PXK: variants seen among roughly 807,000 people sequenced by gnomAD.
PXK encodes the protein PX domain-containing protein kinase-like protein.
PXK carries 35 observed loss-of-function variants against 84.7 expected under a neutral mutation model. The observed-to-expected ratio is 0.41, with a 90% CI of 0.32 to 0.55. PXK has a LOEUF of 0.55. PXK is among the 20% of genes least tolerant of loss of function. The pLI is 0.21. For synonymous variants in PXK, 253 were observed against 260.8 expected (o/e 0.97, Z 0.29); for missense variants, 634 against 699.7 (o/e 0.91, Z 1.06).
chr3:58,423,467 T>C, intron 17 of PXK: 1 of 1,530,832 alleles, frequency 6.5e-7, no homozygotes, highest in Non-Finnish European at 8.8e-7. Flanking sequence ...TCAGCTGCCT[T>C]AGGTTTGAGT....
chr3:58,334,409 T>G (rs1378573781), intron 1 of PXK, among the ~76,000 whole-genome samples: 3 of 152,132 alleles, frequency 2.0e-5, no homozygotes, highest in Admixed American at 6.6e-5. Flanking sequence ...CTAAAGGGAG[T>G]ATGGCATAAG....
At chr3:58,376,493 A>G (rs2098443945) in intron 3 of PXK, among the ~76,000 whole-genome samples, 1 of 152,178 alleles carries the variant, frequency 6.6e-6, no homozygotes, top group Non-Finnish European at 1.5e-5. Flanking sequence ...TTAAAGTCCC[A>G]GTTTGTAAGA....
chr3:58,333,841 G>A lies in PXK; in HGVS notation c.102+751G>A, dbSNP rs1318192889. ...TGCTACATATACGGTCTTTTATGGG[G>A]CTTTAAAACCGTGGTTGTTTTCATT... On this transcript the variant is annotated intron_variant, in intron 1 of 17. Transcript: ENST00000356151. The surrounding 1 kb of genome is among the most constrained non-coding windows in gnomAD (Gnocchi z 5.4). Among the ~76,000 whole-genome samples, 1 of 151,622 alleles carries A rather than the reference G, an allele frequency of 6.6e-6. No homozygotes were observed. The highest frequency in any genetic ancestry group is 1.5e-5 in the Non-Finnish European group (1 of 67,956).
intron 7 of PXK, among the ~76,000 whole-genome samples, chr3:58,393,341 C>A (rs552562940): frequency 6.6e-6 from 1 of 151,386 alleles, no homozygotes; most frequent in Non-Finnish European, 1.5e-5. Flanking sequence ...GAGCAGACTC[C>A]GTCTCAAAAA....
At chr3:58,410,409 C>T (rs1312789221) in intron 16 of PXK, among the ~76,000 whole-genome samples, 1 of 152,218 alleles carries the variant, frequency 6.6e-6, no homozygotes, top group African/African-American at 2.4e-5. Flanking sequence ...AGCACTTGAT[C>T]ATCTAAAGAC....
At chr3:58,424,701 T>C (rs576551326) in intron 17 of PXK, 51 bp from the exon 18 acceptor site, 3 of 1,585,420 alleles carry the variant, frequency 1.9e-6, no homozygotes, top group South Asian at 2.3e-5. Flanking sequence ...GCAGCGTGTG[T>C]GCAGGGCAGC....
chr3:58,352,893 A>AGCAT (rs2097962756), intron 1 of PXK, among the ~76,000 whole-genome samples: 1 of 152,198 alleles, frequency 6.6e-6, no homozygotes, highest in African/African-American at 2.4e-5. Context: ...GGAGAAGAGA[A>AGCAT]GCATGCATGA....
In PXK at chr3:58,414,556, T is replaced by A. The variant is rs753786961; in HGVS notation, c.1528+1593T>A. ...GAATCTTGTATAATTAGAGTCAATG[T>A]TGGGAAAACTTGGAGGTGAGTGGGA... On this transcript the variant is annotated intron_variant, in intron 17 of 17. Coordinates refer to ENST00000356151, the MANE Select transcript of PXK (RefSeq NM_017771.5). This position sits in a 1 kb window ranked among gnomAD's most constrained non-coding sequence, Gnocchi z 4.5. The A allele has an allele frequency of 6.6e-6, 1 of 152,232 alleles. No homozygotes were observed. The highest frequency in any genetic ancestry group is 1.9e-4 in the East Asian group (1 of 5,188). 9.4% of individuals were successfully genotyped at this position (152,232 alleles called of 1,614,324 possible).
chr3:58,365,229 G>A (rs191069464), intron 1 of PXK, among the ~76,000 whole-genome samples: 6 of 152,112 alleles, frequency 3.9e-5, no homozygotes, highest in African/African-American at 9.6e-5. Flanking sequence ...TCAGTTCAAT[G>A]TATGTAATTT....
rs2097533013 is a variant in PXK at position 58,333,482 on chromosome 3, T to G, written c.102+392T>G. 6.6e-6 allele frequency: 3 copies of G among 454,954 alleles called. No homozygotes were observed. The highest frequency in any genetic ancestry group is 1.3e-5 in the Non-Finnish European group (3 of 225,724). The allele number at this position is 454,954 out of a possible 1,614,324, so 28.2% of individuals were successfully genotyped here. On this transcript the variant is annotated intron_variant, in intron 1 of 17. Transcript: ENST00000356151. This position sits in a 1 kb window ranked among gnomAD's most constrained non-coding sequence, Gnocchi z 5.4. The stretch of plus-strand genomic sequence containing the variant: ...TGCCCGCCGCCAGCCTTTTCCTTTT[T>G]GAGGCCGTGTAATTTCCTCCTTGCA...
rs2098629170 is a variant in PXK at position 58,391,306 on chromosome 3, A to G, written c.540+86A>G. On this transcript the variant is annotated intron_variant, in intron 6 of 17. Transcript: ENST00000356151. ...TTTGACAAGAGAATTACAAAATTGTACTGTGCTCTTAAGTGATGATGTAAA... is the reference window on the plus strand; with the variant it reads ...TTTGACAAGAGAATTACAAAATTGTGCTGTGCTCTTAAGTGATGATGTAAA... 5 of 1,212,550 alleles carry G rather than the reference A, an allele frequency of 4.1e-6. No individual in the cohort carries two copies. The South Asian group carries it at 5.1e-5, about 12-fold the overall frequency. 75.1% of individuals were successfully genotyped at this position (1,212,550 alleles called of 1,614,324 possible).
chr3:58,389,999 C>CA (rs61380830), intron 4 of PXK, among the ~76,000 whole-genome samples: 5,418 of 51,502 alleles, frequency 0.11, 451 homozygotes, highest in African/African-American at 0.18. Flanking sequence ...AACTCCGTCT[C>CA]AAAAAAAAAA....
rs1389267212 is a variant in PXK at position 58,416,908 on chromosome 3, C to G, written c.1528+3945C>G. ...AAAGTGCTGGGATTACAGGCTTGAGCCACTGTGCCCGGCCAGGATTGCAAC... is the reference window on the plus strand; with the variant it reads ...AAAGTGCTGGGATTACAGGCTTGAGGCACTGTGCCCGGCCAGGATTGCAAC... On this transcript the variant is annotated intron_variant, in intron 17 of 17. Transcript: ENST00000356151. This position sits in a 1 kb window ranked among gnomAD's most constrained non-coding sequence, Gnocchi z 4.8. 6.6e-6 allele frequency among the ~76,000 whole-genome samples: 1 copy of G among 152,186 alleles called. No homozygotes were observed. The highest frequency in any genetic ancestry group is 1.5e-5 in the Non-Finnish European group (1 of 68,028).
intron 4 of PXK, among the ~76,000 whole-genome samples, chr3:58,384,843 T>G (rs981860085): frequency 1.3e-5 from 2 of 152,224 alleles, no homozygotes; most frequent in African/African-American, 4.8e-5. Flanking sequence ...CTCAGGGAGC[T>G]GGTACCAGAA....
In PXK at chr3:58,380,525, GA is replaced by G. The variant is rs1436604810; in HGVS notation, c.202-1986del. On this transcript the variant is annotated intron_variant, in intron 3 of 17. Coordinates refer to ENST00000356151, the MANE Select transcript of PXK (RefSeq NM_017771.5). ...CCAAATATTTATTTAAAATTCTGAA[GA>G]AAGGCCGGGTGCAGTGGCTCACGCC... Among the ~76,000 whole-genome samples, 4 of 151,864 alleles carry G rather than the reference GA, an allele frequency of 2.6e-5. No homozygotes were observed. In the East Asian group the frequency reaches 7.7e-4, roughly 29 times the overall value.
intron 1 of PXK, among the ~76,000 whole-genome samples, chr3:58,363,767 T>C (rs2098227423): frequency 6.6e-6 from 1 of 152,210 alleles, no homozygotes; most frequent in Non-Finnish European, 1.5e-5. Context: ...TTACACTGGC[T>C]AGATCTTCCA....
chr3:58,422,793 G>A, intron 17 of PXK: 4 of 985,388 alleles, frequency 4.1e-6, no homozygotes, highest in Non-Finnish European at 4.8e-6. Context: ...TGCCTGGAGG[G>A]CTAGTCAGTC....
At chr3:58,388,099 G>A (rs1257665418) in intron 4 of PXK, among the ~76,000 whole-genome samples, 2 of 152,154 alleles carry the variant, frequency 1.3e-5, no homozygotes, top group East Asian at 1.9e-4. Context: ...TGTGTTGCCC[G>A]AGTCTGGGGA....
At position 58,425,402 on chromosome 3, in the gene PXK, G is replaced by A. The variant is rs1368700234; in HGVS notation, c.*442G>A. On this transcript the variant is annotated 3_prime_UTR_variant, in exon 18 of 18. Transcript: ENST00000356151. ...TCTCTAAAGCATTTTCTGATTCTTA[G>A]ATAACTCCAATTTTTGCTACCTTTA... The A allele has an allele frequency of 6.2e-6, 1 of 161,804 alleles. No individual in the cohort carries two copies. Among genetic ancestry groups the A allele is most frequent in the East Asian group, 1.8e-4 (1 of 5,590 alleles). The allele number at this position is 161,804 out of a possible 1,614,324, so 10.0% of individuals were successfully genotyped here. A position where few individuals can be genotyped will look rare whatever the true frequency, so the allele number is the denominator to read the frequency against.
Sources: gnomAD v4.1 joint callset for allele counts (sites outside exome capture counted in the v4.1 genomes callset) on GRCh38, gnomAD v4.1.1 for gene constraint, Gnocchi (gnomAD v3.1) non-coding constraint, MANE v1.5 for transcripts, NCBI Gene and HGNC (gene_info 2026-07-23, HGNC 2026-07-21) for gene names.